The following RAI2 variants were observed in gnomAD, a reference collection of about 807,000 sequenced individuals.
RAI2 encodes retinoic acid induced 2, also known as retinoic acid-induced protein 2.
RAI2 carries 5 observed loss-of-function variants against 15.3 expected under a neutral mutation model. That is an observed-to-expected ratio of 0.33 (90% CI 0.17 to 0.69). The LOEUF (loss-of-function observed/expected upper bound fraction) is 0.69, where lower values mean the gene tolerates loss of function less well. Ranked by LOEUF, RAI2 falls within the 30% of genes least tolerant of loss-of-function variation. The probability of loss-of-function intolerance (pLI) is 0.69; values close to 1 mark genes in which losing one functional copy is unlikely to be tolerated. For missense variants in RAI2, 424 were observed against 424.7 expected (o/e 1.00, Z 0.01); for synonymous variants, 191 against 184.0 (o/e 1.04, Z -0.31).
intron 1 of RAI2, among the ~76,000 whole-genome samples, chrX:17,811,360 C>T (rs1000053265): frequency 2.7e-5 from 3 of 112,404 alleles, no homozygotes; most frequent in Non-Finnish European, 3.8e-5. Flanking sequence ...TCAGGTGCTG[C>T]TGCTGGAACA....
Position 17,801,476 on chromosome X carries a change from C to T in RAI2, c.535G>A (p.Glu179Lys). 1.7e-6 allele frequency: 2 copies of T among 1,175,943 alleles called. No individual in the cohort carries two copies. The highest frequency in any genetic ancestry group is 2.3e-6 in the Non-Finnish European group (2 of 879,271). ...ACAGCTTCAAATGGCAAAGTGGGCT[C>T]CTGCGGCTGGCTGGGGATCCTCAGG... ...LDLRIPSQPQ[E>K]PTLPFEAVLQ... Residue 179 changes from glutamate (E) to lysine (K), a missense_variant, in exon 2 of 2, where the codon GAG becomes AAG. By Grantham distance (56) the Glu-to-Lys change is moderately conservative. Coordinates refer to ENST00000451717, the MANE Select transcript of RAI2 (RefSeq NM_021785.6).
At chrX:17,808,221 G>A (rs1423865132) in intron 1 of RAI2, among the ~76,000 whole-genome samples, 1 of 110,370 alleles carries the variant, frequency 9.1e-6, no homozygotes, top group African/African-American at 3.3e-5. Context: ...CTCAAAGTGG[G>A]GTCCTTGGAG....
chrX:17,831,435 A>T (rs1390409087), intron 1 of RAI2, among the ~76,000 whole-genome samples: 1 of 112,111 alleles, frequency 8.9e-6, no homozygotes, highest in Non-Finnish European at 1.9e-5. Flanking sequence ...TTAGTTTTAG[A>T]TACTTACAAG....
intron 1 of RAI2, among the ~76,000 whole-genome samples, chrX:17,852,364 C>A (rs906649008): frequency 8.9e-6 from 1 of 112,047 alleles, no homozygotes; most frequent in Non-Finnish European, 1.9e-5. Context: ...ACACATGACA[C>A]TCTTTGGAAA....
intron 1 of RAI2, among the ~76,000 whole-genome samples, chrX:17,845,337 A>G (rs1183542387): frequency 1.8e-5 from 2 of 112,430 alleles, no homozygotes; most frequent in African/African-American, 6.5e-5. Flanking sequence ...ATTTCCCTGA[A>G]CTGAATTCCT....
intron 1 of RAI2, among the ~76,000 whole-genome samples, chrX:17,853,987 A>G (rs2067567410): frequency 8.9e-6 from 1 of 112,221 alleles, no homozygotes; most frequent in South Asian, 3.7e-4. Context: ...AAACTAAAAC[A>G]AGGAAATGCT....
At chrX:17,832,333 C>T (rs1245320532) in intron 1 of RAI2, among the ~76,000 whole-genome samples, 2 of 111,508 alleles carry the variant, frequency 1.8e-5, no homozygotes, top group South Asian at 7.6e-4. Flanking sequence ...TTCGTTTCTG[C>T]ACCACCAGAT....
chrX:17,807,409 T>C (rs2066992926), intron 1 of RAI2, among the ~76,000 whole-genome samples: 1 of 112,010 alleles, frequency 8.9e-6, no homozygotes. Flanking sequence ...GGTGCACAAA[T>C]GAACGCCTAA....
At chrX:17,837,223 C>T (rs1412629785) in intron 1 of RAI2, among the ~76,000 whole-genome samples, 1 of 111,519 alleles carries the variant, frequency 9.0e-6, no homozygotes, top group Non-Finnish European at 1.9e-5. Context: ...GCCAAGATAG[C>T]TTCCACTATA....
At chrX:17,819,395 T>C (rs892196336) in intron 1 of RAI2, among the ~76,000 whole-genome samples, 9 of 112,673 alleles carry the variant, frequency 8.0e-5, no homozygotes, top group African/African-American at 2.6e-4. Context: ...CCACCACTGG[T>C]CAATGGCACC....
chrX:17,835,631 C>T (rs965060021), intron 1 of RAI2, among the ~76,000 whole-genome samples: 1 of 111,632 alleles, frequency 9.0e-6, no homozygotes, highest in African/African-American at 3.3e-5. Flanking sequence ...GTTTATCCCC[C>T]CAGAACCACA....
At chrX:17,813,514 G>C (rs2067071418) in intron 1 of RAI2, among the ~76,000 whole-genome samples, 1 of 111,451 alleles carries the variant, frequency 9.0e-6, no homozygotes, top group African/African-American at 3.3e-5. Flanking sequence ...TCTCCATAGA[G>C]ATAAGAACCG....
At chrX:17,859,100 A>G (rs754023076) in intron 1 of RAI2, among the ~76,000 whole-genome samples, 148 of 111,346 alleles carry the variant, frequency 1.3e-3, no homozygotes, top group Non-Finnish European at 2.4e-3. Flanking sequence ...CCATCTTACA[A>G]TTCTCTGCCT....
intron 1 of RAI2, among the ~76,000 whole-genome samples, chrX:17,853,139 C>A (rs1032780473): frequency 1.8e-5 from 2 of 111,235 alleles, no homozygotes; most frequent in Admixed American, 9.5e-5. Context: ...AGGAATAAAC[C>A]TGTTCTCTTT....
At chrX:17,802,205 A>G (rs770333911) in intron 1 of RAI2, among the ~76,000 whole-genome samples, 171 bp from the exon 2 acceptor site, 2 of 112,493 alleles carry the variant, frequency 1.8e-5, no homozygotes, top group African/African-American at 3.2e-5. Flanking sequence ...ATACAAACAC[A>G]ACCACATGAT....
Position 17,800,905 on chromosome X carries a change from C to G in RAI2, c.1106G>C (p.Ser369Thr), listed in dbSNP as rs1269767967. 8.3e-7 allele frequency: 1 copy of G among 1,211,415 alleles called. No individual in the cohort carries two copies. The highest frequency in any genetic ancestry group is 1.1e-6 in the Non-Finnish European group (1 of 895,368). The change falls in exon 2 of 2, where the codon AGC (serine) becomes ACC (threonine). Residue 369 changes from serine (S) to threonine (T), a missense_variant. Coordinates refer to ENST00000451717, the MANE Select transcript of RAI2 (RefSeq NM_021785.6). Reference sequence around the variant, plus strand: ...TTTCTCCATCACTGTGTGACCTGAGCTGTCCACTGATGCACCACTGTCATA... The same window carrying G: ...TTTCTCCATCACTGTGTGACCTGAGGTGTCCACTGATGCACCACTGTCATA... ...TLYDSGASVD[S>T]SGHTVMEKLP...
intron 1 of RAI2, among the ~76,000 whole-genome samples, chrX:17,813,350 T>A (rs899763685): frequency 8.9e-6 from 1 of 112,110 alleles, no homozygotes; most frequent in Admixed American, 9.5e-5. Flanking sequence ...CTCAATGAGG[T>A]GCATGACTGA....
At chrX:17,844,956 A>G (rs1348616570) in intron 1 of RAI2, among the ~76,000 whole-genome samples, 4 of 112,604 alleles carry the variant, frequency 3.6e-5, no homozygotes, top group African/African-American at 1.3e-4. Context: ...TTTTTAACAC[A>G]TCTCCCATCC....
chrX:17,843,761 G>A (rs2067426128), intron 1 of RAI2, among the ~76,000 whole-genome samples: 1 of 111,989 alleles, frequency 8.9e-6, no homozygotes. Context: ...AGCTCACTAG[G>A]AATAAAAATG....
Sources: gnomAD v4.1 joint callset for allele counts (sites outside exome capture counted in the v4.1 genomes callset) on GRCh38, gnomAD v4.1.1 for gene constraint, MANE v1.5 for transcripts, NCBI Gene and HGNC (gene_info 2026-07-23, HGNC 2026-07-21) for gene names.